Variants in PCDH1 observed in about 807,000 individuals in gnomAD.
PCDH1 encodes the protein protocadherin-1.
A neutral mutation model predicts 74.6 loss-of-function variants in PCDH1; 23 were observed. The ratio of observed to expected loss-of-function variants is 0.31; its 90% confidence interval spans 0.22 to 0.44. The LOEUF (loss-of-function observed/expected upper bound fraction) is 0.44, where lower values mean the gene tolerates loss of function less well. Among genes scored for constraint, PCDH1 ranks in the 20% least tolerant of loss-of-function variants. The pLI is 1.00. For missense variants in PCDH1, 1,214 were observed against 1,641.4 expected, an observed-to-expected ratio of 0.74 and a Z score of 4.50; for synonymous variants, 647 against 686.1, an observed-to-expected ratio of 0.94 and a Z score of 0.89.
chr5:141,867,685 T>A, intron 2 of PCDH1: 1 of 426,466 alleles, frequency 2.3e-6, no homozygotes, highest in South Asian at 1.7e-5. Context: ...GGACTAAGGG[T>A]TTTCCAGGAT....
At chr5:141,862,581 C>G (rs962214353) in intron 3 of PCDH1, 2 of 967,116 alleles carry the variant, frequency 2.1e-6, no homozygotes, top group Non-Finnish European at 2.5e-6. Context: ...TGAGGTAGGA[C>G]CTGAGGACAA....
rs1197099094 is a variant in PCDH1, at chr5:141,878,088, C to G, written c.40+135G>C. 1.3e-6 allele frequency: 1 copy of G among 753,918 alleles called. No homozygotes were observed. Among genetic ancestry groups the G allele is most frequent in the African/African-American group, 1.9e-5 (1 of 53,394 alleles). The allele number at this position is 753,918 out of a possible 1,614,324, so 46.7% of individuals were successfully genotyped here. A position where few individuals can be genotyped will look rare whatever the true frequency, so the allele number is the denominator to read the frequency against. Reference sequence around the variant, plus strand: ...GCTATGGGCTCCCAGCAGCCCCCACCTCAGCCCCCTCGCGCCGAGCTCGTG... The same window carrying G: ...GCTATGGGCTCCCAGCAGCCCCCACGTCAGCCCCCTCGCGCCGAGCTCGTG... On this transcript the variant is annotated intron_variant, in intron 1 of 4. Transcript: ENST00000287008. This position sits in a 1 kb window ranked among gnomAD's most constrained non-coding sequence, Gnocchi z 5.5.
chr5:141,869,435 C>A lies in PCDH1; in HGVS notation c.41-4G>T. ...GGAGGCCCCAGAATCAGGAGGGCTG[C>A]AAGGGGAAGAGGCAAAACAGAGGCC... On this transcript the variant is annotated splice_region_variant and splice_polypyrimidine_tract_variant and intron_variant, in intron 1 of 4. Transcript: ENST00000287008. The surrounding 1 kb of genome is among the most constrained non-coding windows in gnomAD (Gnocchi z 4.9). The A allele has an allele frequency of 6.3e-7, 1 of 1,596,220 alleles. No homozygotes were observed. Among genetic ancestry groups the A allele is most frequent in the Non-Finnish European group, 8.5e-7 (1 of 1,178,456 alleles).
chr5:141,868,903 G>A lies in PCDH1; in HGVS notation c.569C>T (p.Pro190Leu), dbSNP rs752422297. The A allele has an allele frequency of 9.3e-6, 15 of 1,614,128 alleles. No homozygotes were observed. The highest frequency in any genetic ancestry group is 5.5e-5 in the South Asian group (5 of 91,086). ...NTNIGSLFPI[P>L]LASDRDAGPN... ...ACCAGCATCACGGTCTGAAGCCAGC[G>A]GGATGGGGAAGAGTGAGCCGATGTT... is the stretch of plus-strand genomic sequence containing the variant. The change falls in exon 2 of 5, where the codon CCG becomes CTG. Residue 190 changes from proline to leucine, a missense_variant. Physicochemically the swap from Pro to Leu is moderately conservative, Grantham distance 98. Transcript: ENST00000287008. The surrounding 1 kb of genome is among the most constrained non-coding windows in gnomAD (Gnocchi z 4.8).
intron 2 of PCDH1, chr5:141,866,160 C>G: frequency 1.0e-6 from 1 of 985,462 alleles, no homozygotes; most frequent in Non-Finnish European, 1.2e-6. Flanking sequence ...AGGCCGGGCC[C>G]CAGCCACCGC....
intron 1 of PCDH1, among the ~76,000 whole-genome samples, chr5:141,876,141 G>C (rs1001914111): frequency 1.6e-4 from 25 of 152,172 alleles, no homozygotes; most frequent in African/African-American, 5.3e-4. Flanking sequence ...CGGAGATTAG[G>C]GGGTGGCGGG....
At position 141,854,285 on chromosome 5, in the gene PCDH1, A is replaced by G. The variant is rs764744889; in HGVS notation, c.3471T>C (p.Pro1157=). ...GCTCCTGCCCTCCTCGGTCCTGGTAAGGCACGAAGGTGGAGAGTTTGAGGG... is the reference window on the plus strand; with the variant it reads ...GCTCCTGCCCTCCTCGGTCCTGGTAGGGCACGAAGGTGGAGAGTTTGAGGG... ...SSALKLSTFV[P]YQDRGGQEPA... Residue 1157 remains proline, a synonymous_variant, in exon 5 of 5, where the codon CCT becomes CCC. Coordinates refer to ENST00000287008, the MANE Select transcript of PCDH1 (RefSeq NM_032420.5). The G allele has an allele frequency of 2.5e-6, 4 of 1,613,652 alleles. No homozygotes were observed. In the South Asian group the frequency reaches 4.4e-5, roughly 18 times the overall value.
intron 2 of PCDH1, chr5:141,866,059 A>T (rs1752814967): frequency 2.0e-6 from 2 of 985,874 alleles, no homozygotes; most frequent in African/African-American, 3.5e-5. Context: ...TGCACACATG[A>T]GTAAAGACTC....
intron 3 of PCDH1, among the ~76,000 whole-genome samples, chr5:141,859,567 C>T (rs1416705315): frequency 6.6e-6 from 1 of 152,164 alleles, no homozygotes; most frequent in Non-Finnish European, 1.5e-5. Context: ...TCTGTATGGG[C>T]AATGATCTCA....
rs567501622 is a variant in PCDH1 at position 141,868,416 on chromosome 5, G to A, written c.903+153C>T. On this transcript the variant is annotated intron_variant, in intron 2 of 4. Transcript: ENST00000287008. This position sits in a 1 kb window ranked among gnomAD's most constrained non-coding sequence, Gnocchi z 4.8. ...AATATCACCTGCTGGGGTGGGGTGG[G>A]AAAGACTCCCCTGGCTGAGTTTGGG... 6 of 1,403,518 alleles carry A rather than the reference G, an allele frequency of 4.3e-6. No individual in the cohort carries two copies. In the East Asian group the frequency reaches 1.3e-4, roughly 30 times the overall value. 86.9% of individuals were successfully genotyped at this position (1,403,518 alleles called of 1,614,324 possible).
In PCDH1 at chr5:141,865,019, C is replaced by T. The variant is rs1270453151; in HGVS notation, c.1312G>A (p.Val438Met). ...AAVTCVVAGD[V>M]PFQLRQASET... is the part of the protein sequence containing the mutation. Reference sequence around the variant, plus strand: ...CTGGCCTGGCGCAGCTGGAAGGGCACATCACCTGCCACCACACAGGTGACA... The same window carrying T: ...CTGGCCTGGCGCAGCTGGAAGGGCATATCACCTGCCACCACACAGGTGACA... Residue 438 changes from valine (V) to methionine (M), a missense_variant, in exon 3 of 5, where the codon GTG becomes ATG. Around this residue, in one of 4 missense-constraint regions of PCDH1, gnomAD observed 836 missense variants for 1,182.2 expected, o/e 0.71. Transcript: ENST00000287008. This position sits in a 1 kb window ranked among gnomAD's most constrained non-coding sequence, Gnocchi z 4.4. The T allele has an allele frequency of 6.2e-7, 1 of 1,614,066 alleles. No individual in the cohort carries two copies. Among genetic ancestry groups the T allele is most frequent in the African/African-American group, 1.3e-5 (1 of 74,916 alleles).
chr5:141,867,398 G>C (rs1752893565), intron 2 of PCDH1: 2 of 344,530 alleles, frequency 5.8e-6, no homozygotes, highest in African/African-American at 4.4e-5. Context: ...CTCATTAGCT[G>C]TAGGATATCA....
chr5:141,861,260 C>T (rs1274201626), intron 3 of PCDH1, among the ~76,000 whole-genome samples: 1 of 151,860 alleles, frequency 6.6e-6, no homozygotes, highest in Non-Finnish European at 1.5e-5. Flanking sequence ...CTGTCTTGTA[C>T]AAGTATGGCC....
chr5:141,856,305 A>C, intron 4 of PCDH1: 3 of 641,780 alleles, frequency 4.7e-6, no homozygotes, highest in Non-Finnish European at 7.6e-6. Flanking sequence ...GAGATCGCGC[A>C]TGGAGGGGCG....
chr5:141,856,126 G>T, intron 4 of PCDH1: 1 of 1,169,414 alleles, frequency 8.6e-7, no homozygotes, highest in Non-Finnish European at 1.2e-6. Flanking sequence ...GTTGGGGGAC[G>T]CAACATGGCT....
Position 141,869,687 on chromosome 5 carries a change from A to G in PCDH1, c.41-256T>C. On this transcript the variant is annotated intron_variant, in intron 1 of 4. Coordinates refer to ENST00000287008, the MANE Select transcript of PCDH1 (RefSeq NM_032420.5). This position sits in a 1 kb window ranked among gnomAD's most constrained non-coding sequence, Gnocchi z 4.9. ...GGCATGCCTAGAGCAGCTCCCGCCC[A>G]TGGAACACCCTCACCCACCTGACGC... 5 of 1,516,626 alleles carry G rather than the reference A, an allele frequency of 3.3e-6. No individual in the cohort carries two copies. The South Asian group carries it at 3.7e-5, about 11-fold the overall frequency. 93.9% of individuals were successfully genotyped at this position (1,516,626 alleles called of 1,614,324 possible).
chr5:141,877,003 C>G (rs1439481051), intron 1 of PCDH1, among the ~76,000 whole-genome samples: 1 of 152,218 alleles, frequency 6.6e-6, no homozygotes, highest in Non-Finnish European at 1.5e-5. Flanking sequence ...GTTGGGGAGG[C>G]GCCGACTGGG....
intron 1 of PCDH1, among the ~76,000 whole-genome samples, chr5:141,873,678 T>C (rs1753152756): frequency 6.6e-6 from 1 of 151,120 alleles, no homozygotes; most frequent in Admixed American, 6.6e-5. Context: ...CAGGATGGTC[T>C]TGATCTCCTG....
intron 4 of PCDH1, among the ~76,000 whole-genome samples, chr5:141,854,741 G>A (rs571456250): frequency 3.0e-4 from 46 of 151,936 alleles, no homozygotes; most frequent in African/African-American, 8.9e-4. Context: ...GCGCAATCTC[G>A]GCTTACTGCA....
Sources: allele counts gnomAD v4.1 joint callset (sites outside exome capture counted in the v4.1 genomes callset), GRCh38; gene constraint gnomAD v4.1.1; regional missense constraint gnomAD v4.1.1; non-coding constraint Gnocchi (gnomAD v3.1); transcripts MANE v1.5; gene names NCBI Gene and HGNC (gene_info 2026-07-23, HGNC 2026-07-21).